NLGN4Y: variants seen among roughly 807,000 people sequenced by gnomAD.
The protein encoded by NLGN4Y is neuroligin 4 Y-linked, also known as neuroligin-4, Y-linked.
NLGN4Y carries 4 observed loss-of-function variants against 8.4 expected under a neutral mutation model. That is an observed-to-expected ratio of 0.48 (90% CI 0.23 to 1.09). NLGN4Y has a LOEUF of 1.09. NLGN4Y is among the 50% of genes least tolerant of loss of function. The pLI, the probability that NLGN4Y is intolerant of heterozygous loss-of-function variation, is 0.19. For synonymous variants in NLGN4Y, 35 were observed against 75.6 expected (o/e 0.46, Z 2.78); for missense variants, 90 against 192.3 (o/e 0.47, Z 3.15).
chrY:14,532,475 GTCTTATATAGAGCTAGC>G (rs2080117925), intron 1 of NLGN4Y, among the ~76,000 whole-genome samples: 1 of 33,161 alleles, frequency 3.0e-5, no homozygotes, highest in Non-Finnish European at 7.4e-5. Context: ...GAGGAGCTAG[GTCTTATATAGAGCTAGC>G]TCTTATATAG....
chrY:14,617,274 TTTC>T lies in NLGN4Y; in HGVS notation c.-111-4723_-111-4721del, dbSNP rs778021999. 4.5e-3 allele frequency among the ~76,000 whole-genome samples: 132 copies of T among 29,055 alleles called. No individual in the cohort carries two copies. In the Middle Eastern group the frequency reaches 0.059, roughly 13 times the overall value. 78.0% of individuals were successfully genotyped at this position (29,055 alleles called of 37,273 possible). On this transcript the variant is annotated intron_variant, in intron 1 of 6. Transcript: ENST00000684976. ...AGACTAGGATTGCAACCCCTGCTTT[TTTC>T]TTCTTCTTCTTTACGTTTTTTTTTT...
At chrY:14,538,682 G>T (rs2080140173) in intron 1 of NLGN4Y, among the ~76,000 whole-genome samples, 3 of 33,356 alleles carry the variant, frequency 9.0e-5, no homozygotes, top group Admixed American at 2.7e-4. Context: ...TCTCAAGCAT[G>T]GTTAACAAGG....
At chrY:14,639,924 A>C in intron 2 of NLGN4Y, 1 of 112,980 alleles carries the variant, frequency 8.9e-6, no homozygotes, top group South Asian at 4.5e-5. Context: ...TTCTTTTTAC[A>C]GAAGAATATT....
At chrY:14,765,415 G>A (rs2081091043) in intron 4 of NLGN4Y, among the ~76,000 whole-genome samples, 1 of 33,634 alleles carries the variant, frequency 3.0e-5, no homozygotes, top group Non-Finnish European at 7.4e-5. Flanking sequence ...CTTAGTTTGT[G>A]TATCTGCCTT....
chrY:14,530,121 A>G, intron 1 of NLGN4Y, among the ~76,000 whole-genome samples: 1 of 28,929 alleles, frequency 3.5e-5, no homozygotes, highest in African/African-American at 1.4e-4. Flanking sequence ...GGCCTGGACA[A>G]TAGAGTGAGA....
chrY:14,697,102 C>T, intron 2 of NLGN4Y, among the ~76,000 whole-genome samples: 1 of 32,455 alleles, frequency 3.1e-5, no homozygotes, highest in Admixed American at 2.9e-4. Flanking sequence ...GACTCCTTGA[C>T]TCCCAATTCA....
At chrY:14,555,060 A>G (rs2080206833) in intron 1 of NLGN4Y, among the ~76,000 whole-genome samples, 1 of 33,417 alleles carries the variant, frequency 3.0e-5, no homozygotes, top group Non-Finnish European at 7.3e-5. Context: ...TATAATTAAT[A>G]TACACTAAGC....
At chrY:14,525,896 G>A in intron 1 of NLGN4Y, among the ~76,000 whole-genome samples, 2 of 33,150 alleles carry the variant, frequency 6.0e-5, no homozygotes, top group Admixed American at 2.7e-4. Flanking sequence ...AAAATAAGAA[G>A]TTTAGGGAGA....
At chrY:14,763,107 G>A (rs1232625755) in intron 4 of NLGN4Y, among the ~76,000 whole-genome samples, 1 of 33,647 alleles carries the variant, frequency 3.0e-5, no homozygotes, top group Non-Finnish European at 7.4e-5. Flanking sequence ...GTCCATTTAC[G>A]TTTGCCAAAG....
intron 4 of NLGN4Y, among the ~76,000 whole-genome samples, chrY:14,757,142 C>G: frequency 3.3e-5 from 1 of 29,954 alleles, no homozygotes; most frequent in Admixed American, 3.3e-4. Context: ...TTTTCTCCCT[C>G]TGGCTCCTTT....
intron 4 of NLGN4Y, among the ~76,000 whole-genome samples, chrY:14,758,147 G>C: frequency 3.0e-5 from 1 of 33,373 alleles, no homozygotes; most frequent in African/African-American, 1.2e-4. Flanking sequence ...TATATATCTG[G>C]TGACTGCACT....
chrY:14,575,491 A>AT (rs2080294271), intron 1 of NLGN4Y, among the ~76,000 whole-genome samples: 13 of 29,822 alleles, frequency 4.4e-4, no homozygotes, highest in Admixed American at 1.2e-3. Context: ...CCATTCGTCT[A>AT]TTTTTTTTTC....
chrY:14,842,321 A>G lies in NLGN4Y; in HGVS notation c.*1059A>G, dbSNP rs2043227894. Reference sequence around the variant, plus strand: ...ACACAGACACACACAAAGAATCAGCAGAGAAAACAAAATACAAGTCCTGTT... The same window carrying G: ...ACACAGACACACACAAAGAATCAGCGGAGAAAACAAAATACAAGTCCTGTT... On this transcript the variant is annotated 3_prime_UTR_variant, in exon 7 of 7. Coordinates refer to ENST00000684976, the MANE Select transcript of NLGN4Y (RefSeq NM_001365588.1). The G allele has an allele frequency of 8.3e-6, 1 of 120,929 alleles. No homozygotes were observed. Among genetic ancestry groups the G allele is most frequent in the African/African-American group, 9.3e-5 (1 of 10,718 alleles). The allele number at this position is 120,929 out of a possible 400,897, so 30.2% of individuals were successfully genotyped here.
intron 4 of NLGN4Y, among the ~76,000 whole-genome samples, chrY:14,742,052 A>G: frequency 5.9e-5 from 2 of 34,067 alleles, no homozygotes; most frequent in African/African-American, 1.1e-4. Flanking sequence ...CATTTCATAA[A>G]TTGAGAGAGT....
chrY:14,702,226 T>C (rs2080851113), intron 2 of NLGN4Y, among the ~76,000 whole-genome samples: 44 of 32,482 alleles, frequency 1.4e-3, no homozygotes, highest in African/African-American at 5.3e-3. Flanking sequence ...GTTAGTTACA[T>C]ATGTATACAT....
chrY:14,836,158 A>C, intron 6 of NLGN4Y, among the ~76,000 whole-genome samples: 1 of 33,469 alleles, frequency 3.0e-5, no homozygotes. Context: ...GAGGTGTTTC[A>C]ATGTTAGTCC....
At chrY:14,626,546 C>T (rs2080528428) in intron 2 of NLGN4Y, among the ~76,000 whole-genome samples, 1 of 34,019 alleles carries the variant, frequency 2.9e-5, no homozygotes, top group African/African-American at 1.1e-4. Context: ...CATAAAGCTG[C>T]GGGACCCACA....
At chrY:14,568,325 G>C in intron 1 of NLGN4Y, among the ~76,000 whole-genome samples, 1 of 33,416 alleles carries the variant, frequency 3.0e-5, no homozygotes, top group Non-Finnish European at 7.4e-5. Flanking sequence ...AGGAGAATGA[G>C]ATACAGCAGA....
intron 4 of NLGN4Y, among the ~76,000 whole-genome samples, chrY:14,731,300 T>A (rs2080971547): frequency 6.3e-5 from 2 of 31,970 alleles, no homozygotes; most frequent in African/African-American, 2.5e-4. Flanking sequence ...CCCAAAGTGC[T>A]GGGATTACAG....
Sources: allele counts gnomAD v4.1 joint callset (sites outside exome capture counted in the v4.1 genomes callset), GRCh38; gene constraint gnomAD v4.1.1; transcripts MANE v1.5; gene names NCBI Gene and HGNC (gene_info 2026-07-23, HGNC 2026-07-21).